WASHC4: variants seen among roughly 807,000 people sequenced by gnomAD.
WASHC4 encodes the protein WASH complex subunit 4.
WASHC4 carries 86 observed loss-of-function variants against 166.6 expected under a neutral mutation model. That is an observed-to-expected ratio of 0.52 (90% CI 0.43 to 0.62). The LOEUF is 0.62. WASHC4 is among the 20% of genes least tolerant of loss of function. WASHC4 has a pLI of 0.00. For missense variants in WASHC4, 1,262 were observed against 1,382.4 expected (o/e 0.91, Z 1.38); for synonymous variants, 446 against 451.6 (o/e 0.99, Z 0.16).
chr12:105,143,529 A>G lies in WASHC4; in HGVS notation c.2010+286A>G, dbSNP rs145052985. Among the ~76,000 whole-genome samples the G allele has an allele frequency of 2.2e-3, 332 of 152,156 alleles. 8 individuals carry two copies. The East Asian group carries it at 0.048, about 22-fold the overall frequency. On this transcript the variant is annotated intron_variant, in intron 20 of 32. Transcript: ENST00000332180. ...GAATGCAAATGTGAAATGGTTTTGA[A>G]TGTTGAAAGCTGCTAATGGTCCAGT...
intron 15 of WASHC4, among the ~76,000 whole-genome samples, chr12:105,139,670 A>G (rs994599094): frequency 6.6e-5 from 10 of 151,322 alleles, no homozygotes; most frequent in African/African-American, 2.4e-4. Flanking sequence ...AAATCTGTTC[A>G]TGTCTTTTCC....
chr12:105,155,659 G>C (rs1399171726), intron 26 of WASHC4, among the ~76,000 whole-genome samples: 2 of 151,926 alleles, frequency 1.3e-5, no homozygotes, highest in Non-Finnish European at 2.9e-5. Context: ...TGGCCAACAT[G>C]GTGAAACCCC....
rs532528329 is a variant in WASHC4, at chr12:105,108,015, A to T, written c.61+154A>T. ...GGGGTGTGCGAGGGACGCGCTCTCCAGCGTTACTTTCGGGGTTGGGGTCCC... is the reference window on the plus strand; with the variant it reads ...GGGGTGTGCGAGGGACGCGCTCTCCTGCGTTACTTTCGGGGTTGGGGTCCC... On this transcript the variant is annotated intron_variant, in intron 1 of 32. Transcript: ENST00000332180. Among the ~76,000 whole-genome samples, 7 of 152,170 alleles carry T rather than the reference A, an allele frequency of 4.6e-5. No individual in the cohort carries two copies. The South Asian group carries it at 1.5e-3, about 32-fold the overall frequency.
intron 29 of WASHC4, among the ~76,000 whole-genome samples, chr12:105,162,150 A>G (rs757957216): frequency 3.3e-5 from 5 of 152,218 alleles, no homozygotes; most frequent in Admixed American, 6.5e-5. Context: ...AATGCCTGGT[A>G]TATTGTAAGC....
intron 24 of WASHC4, 33 bp from the exon 25 acceptor site, chr12:105,149,577 ATTAAC>A (rs769263471): frequency 3.5e-5 from 44 of 1,248,472 alleles, no homozygotes; most frequent in Admixed American, 2.6e-4. Flanking sequence ...TAATTTTTAT[ATTAAC>A]TTTTTTCAAC....
rs946654257 is a variant in WASHC4, at chr12:105,168,296, G to A, written c.*1365G>A. 8.5e-5 allele frequency: 13 copies of A among 152,472 alleles called. No individual in the cohort carries two copies. The highest frequency in any genetic ancestry group is 3.2e-3 in the Middle Eastern group (1 of 316). The allele number at this position is 152,472 out of a possible 1,614,324, so 9.4% of individuals were successfully genotyped here. A position where few individuals can be genotyped will look rare whatever the true frequency, so the allele number is the denominator to read the frequency against. Reference sequence around the variant, plus strand: ...AGAAGAGACAGAATATGTAGGAAATGTTTTTTGTTTATTATGTAAACATGG... The same window carrying A: ...AGAAGAGACAGAATATGTAGGAAATATTTTTTGTTTATTATGTAAACATGG... On this transcript the variant is annotated 3_prime_UTR_variant, in exon 33 of 33. Coordinates refer to ENST00000332180, the MANE Select transcript of WASHC4 (RefSeq NM_015275.3).
In WASHC4 at chr12:105,141,245, C is replaced by A; in HGVS notation, c.1786C>A (p.Arg596=). The A allele has an allele frequency of 6.3e-7, 1 of 1,591,446 alleles. No homozygotes were observed. Among genetic ancestry groups the A allele is most frequent in the Non-Finnish European group, 8.6e-7 (1 of 1,159,488 alleles). Residue 596 remains arginine, a splice_region_variant and synonymous_variant, in exon 18 of 33, where the codon CGA becomes AGA. Coordinates refer to ENST00000332180, the MANE Select transcript of WASHC4 (RefSeq NM_015275.3). ...KLDLISELRE[R]VQTQCDCCFL... is the part of the protein sequence containing the mutation. Reference sequence around the variant, plus strand: ...GGATCTTATTAGTGAACTTAGAGAACGGTAAGTAGGACTGGGATATGCTGT... The same window carrying A: ...GGATCTTATTAGTGAACTTAGAGAAAGGTAAGTAGGACTGGGATATGCTGT...
chr12:105,144,349 T>C lies in WASHC4; in HGVS notation c.2073T>C (p.His691=). Residue 691 remains histidine (H), a synonymous_variant, in exon 21 of 33, where the codon CAT becomes CAC. Transcript: ENST00000332180. ...ATCTGCGACTTTCTGTGCATACTCA[T>C]TTAAAGCTGGATGACCGAAACCCTT... ...EKDLRLSVHT[H]LKLDDRNPFK... The C allele has an allele frequency of 2.5e-6, 4 of 1,613,542 alleles. No individual in the cohort carries two copies. Among genetic ancestry groups the C allele is most frequent in the Non-Finnish European group, 2.5e-6 (3 of 1,179,510 alleles).
rs1880068293 is a variant in WASHC4, at chr12:105,115,246, A to G, written c.367+17A>G. The G allele has an allele frequency of 6.7e-7, 1 of 1,495,712 alleles. No individual in the cohort carries two copies. The allele number at this position is 1,495,712 out of a possible 1,614,324, so 92.7% of individuals were successfully genotyped here. ...GAGAAGGAGGTAAGTTTAAAATTCC[A>G]AATTGTGATGCCTTTTTGATATTGA... On this transcript the variant is annotated intron_variant, in intron 5 of 32. Transcript: ENST00000332180.
chr12:105,146,224 C>G (rs1285333021), intron 22 of WASHC4, among the ~76,000 whole-genome samples: 1 of 152,060 alleles, frequency 6.6e-6, no homozygotes. Context: ...AATATTTAAA[C>G]TTAACTGTTC....
rs1359699912 is a variant in WASHC4, at chr12:105,144,854, C to T, written c.2316C>T (p.Pro772=). ...YGLVMTEAHL[P]SQTLEQGLDV... is the part of the protein sequence containing the mutation. ...TGGTTATGACAGAGGCACATCTTCC[C>T]AGTCAGACTTTGGAACAGGTATAGT... Residue 772 remains proline (P), a synonymous_variant, in exon 22 of 33, where the codon CCC becomes CCT. Coordinates refer to ENST00000332180, the MANE Select transcript of WASHC4 (RefSeq NM_015275.3). 6.2e-7 allele frequency: 1 copy of T among 1,613,062 alleles called. No homozygotes were observed. Among genetic ancestry groups the T allele is most frequent in the Non-Finnish European group, 8.5e-7 (1 of 1,179,416 alleles).
intron 5 of WASHC4, 117 bp downstream of exon 5, chr12:105,115,346 A>G: frequency 1.3e-6 from 1 of 782,278 alleles, no homozygotes; most frequent in Non-Finnish European, 2.2e-6. Flanking sequence ...AAGTATTCAT[A>G]TTTTTTGTTG....
At chr12:105,156,989 C>G (rs943695455) in intron 27 of WASHC4, among the ~76,000 whole-genome samples, 197 bp downstream of exon 27, 2 of 152,038 alleles carry the variant, frequency 1.3e-5, no homozygotes, top group African/African-American at 4.8e-5. Context: ...AAATATTTCT[C>G]TTAAGTTAAT....
chr12:105,144,775 A>G lies in WASHC4; in HGVS notation c.2237A>G (p.His746Arg). 1.9e-6 allele frequency: 3 copies of G among 1,612,566 alleles called. No individual in the cohort carries two copies. The highest frequency in any genetic ancestry group is 2.5e-6 in the Non-Finnish European group (3 of 1,179,156). Residue 746 changes from histidine (H) to arginine (R), a missense_variant, in exon 22 of 33, where the codon CAT becomes CGT. Physicochemically the swap from His to Arg is conservative, Grantham distance 29 (BLOSUM62 0). Transcript: ENST00000332180. The stretch of plus-strand genomic sequence containing the variant: ...TACAATCTAACAACTGTAGCCCTTC[A>G]TGACTGGGCCACTTATAGTGAGATG... ...TFYNLTTVAL[H>R]DWATYSEMRN...
intron 13 of WASHC4, among the ~76,000 whole-genome samples, chr12:105,133,471 T>A (rs1239277618): frequency 6.6e-6 from 1 of 152,298 alleles, no homozygotes; most frequent in East Asian, 1.9e-4. Context: ...TTTAAAATTT[T>A]ACTTACTGAT....
chr12:105,133,720 A>G, intron 13 of WASHC4, 50 bp from the exon 14 acceptor site: 1 of 1,527,882 alleles, frequency 6.5e-7, no homozygotes, highest in African/African-American at 1.4e-5. Context: ...GTATCAAGAA[A>G]TGGAAGTAAA....
chr12:105,136,726 C>G (rs929903481), intron 14 of WASHC4, among the ~76,000 whole-genome samples: 1 of 152,134 alleles, frequency 6.6e-6, no homozygotes, highest in Non-Finnish European at 1.5e-5. Flanking sequence ...AATAGTCTTG[C>G]AGCTGACAAG....
intron 13 of WASHC4, among the ~76,000 whole-genome samples, chr12:105,131,848 A>T (rs1269341845): frequency 6.6e-6 from 1 of 152,226 alleles, no homozygotes; most frequent in Non-Finnish European, 1.5e-5. Flanking sequence ...GCTCTGTAGA[A>T]ACTGTTTTTC....
intron 21 of WASHC4, 122 bp downstream of exon 21, chr12:105,144,577 G>C: frequency 8.8e-7 from 1 of 1,140,210 alleles, no homozygotes; most frequent in African/African-American, 1.7e-5. Flanking sequence ...ATTACATTTT[G>C]TTTCTTTTCT....
Sources: allele counts gnomAD v4.1 joint callset (sites outside exome capture counted in the v4.1 genomes callset), GRCh38; gene constraint gnomAD v4.1.1; transcripts MANE v1.5; gene names NCBI Gene and HGNC (gene_info 2026-07-23, HGNC 2026-07-21).